Variants in HDAC9 observed in about 807,000 individuals in gnomAD.
The protein encoded by HDAC9 is MEF-2 interacting transcription repressor (MITR) protein.
Under a neutral mutation model 139.4 loss-of-function variants are expected in HDAC9, and 41 were observed. The observed-to-expected ratio is 0.29, with a 90% CI of 0.23 to 0.38. The LOEUF (loss-of-function observed/expected upper bound fraction) is 0.38, where lower values mean the gene tolerates loss of function less well. HDAC9 is among the 10% of genes least tolerant of loss of function. The probability of loss-of-function intolerance (pLI) is 1.00; values close to 1 mark genes in which losing one functional copy is unlikely to be tolerated. For missense variants in HDAC9, 1,147 were observed against 1,297.0 expected, an observed-to-expected ratio of 0.88 and a Z score of 1.78; for synonymous variants, 517 against 476.2, an observed-to-expected ratio of 1.09 and a Z score of -1.12.
intron 1 of HDAC9, 92 bp from the exon 2 acceptor site, chr7:18,496,170 C>A: frequency 6.8e-7 from 1 of 1,467,962 alleles, no homozygotes; most frequent in Non-Finnish European, 9.4e-7. Context: ...GGCCGGTGCA[C>A]TGAGCAGTGA....
intron 12 of HDAC9, among the ~76,000 whole-genome samples, chr7:18,718,917 A>G (rs1784917986): frequency 6.6e-6 from 1 of 152,202 alleles, no homozygotes; most frequent in African/African-American, 2.4e-5. Context: ...ATTTCTCTGC[A>G]TCTTCCACAG....
intron 17 of HDAC9, among the ~76,000 whole-genome samples, chr7:18,805,479 C>G (rs905073384): frequency 6.6e-6 from 1 of 152,200 alleles, no homozygotes; most frequent in Non-Finnish European, 1.5e-5. Context: ...AGCAGCTGCA[C>G]AGATGCAAAA....
At chr7:18,766,657 T>A (rs1170563100) in intron 15 of HDAC9, among the ~76,000 whole-genome samples, 2 of 152,210 alleles carry the variant, frequency 1.3e-5, no homozygotes, top group Admixed American at 6.5e-5. Context: ...AGAAGATATG[T>A]TAATATTTGA....
At chr7:18,426,023 T>C (rs1790082351) in intron 1 of HDAC9, among the ~76,000 whole-genome samples, 1 of 152,202 alleles carries the variant, frequency 6.6e-6, no homozygotes, top group Non-Finnish European at 1.5e-5. Context: ...GAATAGACTC[T>C]TCATAACATT....
chr7:18,633,604 G>T (rs1277569035), intron 7 of HDAC9, among the ~76,000 whole-genome samples: 1 of 152,054 alleles, frequency 6.6e-6, no homozygotes, highest in Non-Finnish European at 1.5e-5. Flanking sequence ...AAAGATGCTG[G>T]TGGAAATCAT....
chr7:18,306,817 C>T (rs549908421), intron 1 of HDAC9, among the ~76,000 whole-genome samples: 1 of 152,212 alleles, frequency 6.6e-6, no homozygotes, highest in African/African-American at 2.4e-5. Context: ...GACTTATTTA[C>T]TCACACTCCT....
At chr7:18,301,088 G>A (rs926841787) in intron 1 of HDAC9, among the ~76,000 whole-genome samples, 9 of 151,258 alleles carry the variant, frequency 6.0e-5, no homozygotes, top group South Asian at 4.2e-4. Context: ...TTTTTTTCCC[G>A]CAATGCAATT....
chr7:18,280,365 G>A (rs561086538), intron 2 of HDAC9, among the ~76,000 whole-genome samples: 1 of 152,182 alleles, frequency 6.6e-6, no homozygotes, highest in South Asian at 2.1e-4. Context: ...CCAGGTGGGC[G>A]CATCATGAGG....
chr7:18,436,437 T>A (rs1317296154), intron 1 of HDAC9, among the ~76,000 whole-genome samples: 2 of 152,190 alleles, frequency 1.3e-5, no homozygotes, highest in African/African-American at 2.4e-5. Flanking sequence ...TTTCATTCAG[T>A]TTTCATTTAA....
chr7:18,373,443 G>A (rs1484912354), intron 1 of HDAC9, among the ~76,000 whole-genome samples: 1 of 152,100 alleles, frequency 6.6e-6, no homozygotes, highest in East Asian at 1.9e-4. Context: ...CTGCATATGG[G>A]ATTATTACAA....
At chr7:18,331,518 C>A (rs138412819) in intron 1 of HDAC9, among the ~76,000 whole-genome samples, 1 of 151,488 alleles carries the variant, frequency 6.6e-6, no homozygotes, top group African/African-American at 2.4e-5. Flanking sequence ...CCTGTAGTAT[C>A]GCTTGCAGAA....
At position 18,985,405 on chromosome 7, in the gene HDAC9, T is replaced by C. The variant is rs182849920; in HGVS notation, c.3170+9452T>C. 8.2e-3 allele frequency among the ~76,000 whole-genome samples: 1,254 copies of C among 152,332 alleles called. 17 individuals carry two copies. The highest frequency in any genetic ancestry group is 0.029 in the African/African-American group (1,204 of 41,558). On this transcript the variant is annotated intron_variant, in intron 25 of 25. Coordinates refer to ENST00000686413, the MANE Select transcript of HDAC9 (RefSeq NM_178425.4). Reference sequence around the variant, plus strand: ...CCATACAAAGGACATGAACTCATCATTTTTTATGGCTGCATGGTATTCCAT... The same window carrying C: ...CCATACAAAGGACATGAACTCATCACTTTTTATGGCTGCATGGTATTCCAT...
intron 1 of HDAC9, among the ~76,000 whole-genome samples, chr7:18,413,768 C>T (rs930435410): frequency 6.6e-6 from 1 of 152,064 alleles, no homozygotes; most frequent in African/African-American, 2.4e-5. Context: ...AGTAAAATGA[C>T]CTCATACATC....
chr7:18,242,685 T>C (rs575229347), intron 2 of HDAC9, among the ~76,000 whole-genome samples: 72 of 152,310 alleles, frequency 4.7e-4, no homozygotes, highest in Non-Finnish European at 8.5e-4. Flanking sequence ...GTGCTAATCA[T>C]AGCTTTTTAT....
intron 1 of HDAC9, among the ~76,000 whole-genome samples, chr7:18,338,421 T>C (rs1425572285): frequency 4.0e-5 from 6 of 151,666 alleles, no homozygotes; most frequent in Admixed American, 6.6e-5. Flanking sequence ...AGGCTCAAGG[T>C]ACGTAGCAGG....
At chr7:18,134,243 G>A (rs1381251509) in intron 1 of HDAC9, among the ~76,000 whole-genome samples, 1 of 152,106 alleles carries the variant, frequency 6.6e-6, no homozygotes, top group African/African-American at 2.4e-5. Context: ...TTGTGGCTGA[G>A]TAATGCCAAG....
At chr7:18,142,835 C>T (rs1786008190) in intron 1 of HDAC9, among the ~76,000 whole-genome samples, 1 of 152,178 alleles carries the variant, frequency 6.6e-6, no homozygotes, top group South Asian at 2.1e-4. Flanking sequence ...ACTTCTGCCT[C>T]CTCCTCTCCC....
intron 1 of HDAC9, among the ~76,000 whole-genome samples, chr7:18,400,634 C>T (rs181356819): frequency 2.4e-4 from 36 of 152,198 alleles, no homozygotes; most frequent in Admixed American, 8.5e-4. Context: ...AAAAGTGGCA[C>T]TTAGAAAAGT....
At chr7:18,274,265 A>G (rs947649240) in intron 2 of HDAC9, among the ~76,000 whole-genome samples, 10 of 152,182 alleles carry the variant, frequency 6.6e-5, no homozygotes, top group Admixed American at 1.3e-4. Flanking sequence ...TTGGCTCTCA[A>G]TTCAAGTGGC....
Sources: allele counts gnomAD v4.1 joint callset (sites outside exome capture counted in the v4.1 genomes callset), GRCh38; gene constraint gnomAD v4.1.1; transcripts MANE v1.5; gene names NCBI Gene and HGNC (gene_info 2026-07-23, HGNC 2026-07-21).